FGF14: variants seen among roughly 807,000 people sequenced by gnomAD.
FGF14 encodes fibroblast growth factor homologous factor 4.
A neutral mutation model predicts 25.5 loss-of-function variants in FGF14; 5 were observed. The observed-to-expected ratio is 0.20, with a 90% CI of 0.10 to 0.41. The LOEUF (loss-of-function observed/expected upper bound fraction) is 0.41, where lower values mean the gene tolerates loss of function less well. Among genes scored for constraint, FGF14 ranks in the 10% least tolerant of loss-of-function variants. The pLI, the probability that FGF14 is intolerant of heterozygous loss-of-function variation, is 1.00. For missense variants in FGF14, 222 were observed against 320.1 expected, an observed-to-expected ratio of 0.69 and a Z score of 2.34; for synonymous variants, 138 against 118.3, an observed-to-expected ratio of 1.17 and a Z score of -1.08.
chr13:101,913,514 A>G (rs1256118663), intron 1 of FGF14, among the ~76,000 whole-genome samples: 3 of 152,068 alleles, frequency 2.0e-5, no homozygotes, highest in Non-Finnish European at 4.4e-5. Flanking sequence ...TTAAAACCCT[A>G]CATTTCAAAA....
At chr13:102,330,735 A>T (rs971978856) in intron 1 of FGF14, among the ~76,000 whole-genome samples, 2 of 152,026 alleles carry the variant, frequency 1.3e-5, no homozygotes, top group African/African-American at 4.8e-5. Flanking sequence ...CACACCCCTG[A>T]TCATCACTCC....
intron 3 of FGF14, among the ~76,000 whole-genome samples, chr13:101,811,800 C>T (rs951676689): frequency 4.6e-5 from 7 of 152,128 alleles, no homozygotes; most frequent in African/African-American, 1.7e-4. Context: ...TTTGACCACT[C>T]TAATAGGTGT....
chr13:101,919,714 C>T (rs1207579460), upstream of FGF14, among the ~76,000 whole-genome samples: 1 of 152,146 alleles, frequency 6.6e-6, no homozygotes, highest in East Asian at 1.9e-4. Flanking sequence ...GGGTCTCTGA[C>T]ACTTTCCTCC....
At chr13:102,007,495 T>C (rs1566563567) in intron 1 of FGF14, among the ~76,000 whole-genome samples, 1 of 152,192 alleles carries the variant, frequency 6.6e-6, no homozygotes, top group East Asian at 1.9e-4. Flanking sequence ...TGAGCACGTC[T>C]CTAGACTCCT....
chr13:101,837,543 G>A (rs118120153), intron 3 of FGF14, among the ~76,000 whole-genome samples: 2,801 of 152,134 alleles, frequency 0.018, 40 homozygotes, highest in Middle Eastern at 0.034. Context: ...TATATGAAAC[G>A]TATATCTAAC....
At chr13:101,760,270 C>T (rs2037931532) in intron 3 of FGF14, among the ~76,000 whole-genome samples, 1 of 152,134 alleles carries the variant, frequency 6.6e-6, no homozygotes, top group Non-Finnish European at 1.5e-5. Context: ...TAAAATATAT[C>T]TATTTGGGGC....
chr13:101,740,271 G>A (rs1028825008), intron 3 of FGF14, among the ~76,000 whole-genome samples: 6 of 152,258 alleles, frequency 3.9e-5, no homozygotes, highest in Non-Finnish European at 7.4e-5. Flanking sequence ...GGTTTTCATC[G>A]TTCTCTAAAA....
intron 3 of FGF14, among the ~76,000 whole-genome samples, chr13:101,763,675 C>G (rs565487841): frequency 6.6e-6 from 1 of 152,238 alleles, no homozygotes; most frequent in South Asian, 2.1e-4. Context: ...GCCTGACCAA[C>G]ATGGTGAAAC....
intron 3 of FGF14, among the ~76,000 whole-genome samples, chr13:101,769,567 G>C (rs2038626698): frequency 6.6e-6 from 1 of 152,128 alleles, no homozygotes; most frequent in East Asian, 1.9e-4. Context: ...ATGGCCTTCA[G>C]TAGGCAAATG....
intron 3 of FGF14, among the ~76,000 whole-genome samples, chr13:101,803,248 C>T (rs1301339356): frequency 6.6e-6 from 1 of 151,560 alleles, no homozygotes; most frequent in Non-Finnish European, 1.5e-5. Flanking sequence ...TCCACCTCAG[C>T]CTCCCAAGCA....
chr13:101,783,387 T>C (rs1367956644), intron 3 of FGF14, among the ~76,000 whole-genome samples: 1 of 151,926 alleles, frequency 6.6e-6, no homozygotes, highest in Non-Finnish European at 1.5e-5. Context: ...GGAGAATCGC[T>C]TGAACCCAGG....
chr13:102,023,077 C>G (rs921666970), intron 1 of FGF14, among the ~76,000 whole-genome samples: 8 of 146,448 alleles, frequency 5.5e-5, no homozygotes, highest in African/African-American at 2.0e-4. Context: ...CACACACACA[C>G]AGCCAACAGC....
intron 1 of FGF14, among the ~76,000 whole-genome samples, chr13:101,926,809 T>C (rs2034396918): frequency 6.6e-6 from 1 of 152,224 alleles, no homozygotes; most frequent in Non-Finnish European, 1.5e-5. Context: ...AAGTAGATAA[T>C]TGGTCTTTCC....
intron 1 of FGF14, among the ~76,000 whole-genome samples, chr13:102,134,994 G>C (rs1472564143): frequency 6.8e-6 from 1 of 146,358 alleles, no homozygotes; most frequent in Non-Finnish European, 1.5e-5. Context: ...GACCAGTCTG[G>C]GTAACATAGG....
chr13:101,757,525 G>A (rs2037743591), intron 3 of FGF14, among the ~76,000 whole-genome samples: 1 of 152,122 alleles, frequency 6.6e-6, no homozygotes, highest in South Asian at 2.1e-4. Flanking sequence ...ATTCATGTAA[G>A]AATCACTTCT....
intron 1 of FGF14, among the ~76,000 whole-genome samples, chr13:102,387,835 G>A (rs1406574849): frequency 3.9e-5 from 6 of 152,136 alleles, no homozygotes; most frequent in East Asian, 3.9e-4. Context: ...AGGTTCAAGC[G>A]ATTCTCCTGC....
chr13:102,122,955 C>T (rs72665318), intron 1 of FGF14, among the ~76,000 whole-genome samples: 4,594 of 152,238 alleles, frequency 0.03, 86 homozygotes, highest in South Asian at 0.049. Flanking sequence ...TTAGCCTGCC[C>T]TTTACCTACC....
chr13:101,722,769 G>C lies in FGF14; in HGVS notation c.*62C>G. 6.2e-7 allele frequency: 1 copy of C among 1,602,238 alleles called. No homozygotes were observed. The highest frequency in any genetic ancestry group is 1.1e-5 in the South Asian group (1 of 90,776). ...TTCAGCCACGGAGCAGGAATGTCTG[G>C]TGAGGATAAATCACTCAACTGTGCT... On this transcript the variant is annotated 3_prime_UTR_variant, in exon 5 of 5. Coordinates refer to ENST00000376143, the MANE Select transcript of FGF14 (RefSeq NM_004115.4).
intron 1 of FGF14, among the ~76,000 whole-genome samples, chr13:102,338,562 C>A (rs970984860): frequency 6.6e-6 from 1 of 152,008 alleles, no homozygotes; most frequent in South Asian, 2.1e-4. Context: ...AAGATTACCA[C>A]GTTTGAGAAA....
Sources: allele counts gnomAD v4.1 joint callset (sites outside exome capture counted in the v4.1 genomes callset), GRCh38; gene constraint gnomAD v4.1.1; transcripts MANE v1.5; gene names NCBI Gene and HGNC (gene_info 2026-07-23, HGNC 2026-07-21).